The following FBXO17 variants were observed in gnomAD, a reference collection of about 807,000 sequenced individuals.
FBXO17 encodes the protein F-box only protein 17.
In FBXO17, 43 loss-of-function variants were observed where a neutral mutation model predicts 34.1. That is an observed-to-expected ratio of 1.26 (90% CI 0.99 to 1.62). The LOEUF is 1.62. Ranked by LOEUF, FBXO17 falls within the 40% of genes most tolerant of loss-of-function variation. The pLI is 0.00. For synonymous variants in FBXO17, 169 were observed against 166.0 expected, an observed-to-expected ratio of 1.02 and a Z score of -0.14; for missense variants, 424 against 386.7, an observed-to-expected ratio of 1.10 and a Z score of -0.81.
intron 2 of FBXO17, 133 bp downstream of exon 2, chr19:38,949,838 C>T (rs1335897981): frequency 1.8e-6 from 2 of 1,137,094 alleles, no homozygotes; most frequent in African/African-American, 1.6e-5. Context: ...GGCACTGCGT[C>T]CCTCAGCCCC....
At position 38,942,685 on chromosome 19, in the gene FBXO17, C is replaced by G; in HGVS notation, c.760G>C (p.Asp254His). ...RYVSFEQYGR[D>H]VSSWVGHYGA... ...TAGTGCCCCACCCAGGAACTCACGT[C>G]TCTCCCGTACTGCTCAAAAGATACG... Residue 254 changes from aspartate to histidine, a missense_variant, in exon 6 of 6, where the codon GAC becomes CAC. Asp to His is a moderately conservative substitution (Grantham distance 81, BLOSUM62 -1). Coordinates refer to ENST00000292852, the MANE Select transcript of FBXO17 (RefSeq NM_024907.7). The G allele has an allele frequency of 6.2e-7, 1 of 1,601,706 alleles. No homozygotes were observed. The highest frequency in any genetic ancestry group is 2.3e-5 in the East Asian group (1 of 43,522).
chr19:38,952,046 G>T (rs1280571899), intron 1 of FBXO17, among the ~76,000 whole-genome samples: 1 of 151,912 alleles, frequency 6.6e-6, no homozygotes, highest in African/African-American at 2.4e-5. Flanking sequence ...CGCCTCCCGG[G>T]TTCAAGCGAT....
intron 1 of FBXO17, among the ~76,000 whole-genome samples, chr19:38,971,337 C>T (rs1975388409): frequency 1.3e-5 from 2 of 152,044 alleles, no homozygotes; most frequent in Admixed American, 1.3e-4. Context: ...CATATGCTGC[C>T]ATCAGAGACT....
chr19:38,944,489 C>T (rs567456825), intron 5 of FBXO17, among the ~76,000 whole-genome samples: 1 of 152,274 alleles, frequency 6.6e-6, no homozygotes, highest in South Asian at 2.1e-4. Context: ...AGCTGTCCTC[C>T]CATCTTGGCC....
At position 38,944,965 on chromosome 19, in the gene FBXO17, C is replaced by T. The variant is rs1190420289; in HGVS notation, c.693+4G>A. 6.2e-7 allele frequency: 1 copy of T among 1,614,076 alleles called. No homozygotes were observed. Among genetic ancestry groups the T allele is most frequent in the Non-Finnish European group, 8.5e-7 (1 of 1,179,978 alleles). On this transcript the variant is annotated splice_donor_region_variant and intron_variant, in intron 5 of 5. Transcript: ENST00000292852. Reference sequence around the variant, plus strand: ...GGGGGAGCTGGAAGCTAGTCTGGACCCACCTGTCGGCAGCCCCTCTCAGTC... The same window carrying T: ...GGGGGAGCTGGAAGCTAGTCTGGACTCACCTGTCGGCAGCCCCTCTCAGTC...
At chr19:38,971,091 C>T (rs1297466897) in intron 1 of FBXO17, among the ~76,000 whole-genome samples, 34 of 125,254 alleles carry the variant, frequency 2.7e-4, no homozygotes, top group Non-Finnish European at 1.8e-4. Context: ...AAAGGAGAGT[C>T]CATCTCAAAA....
chr19:38,955,889 T>A (rs567288044), intron 1 of FBXO17, among the ~76,000 whole-genome samples: 1 of 152,236 alleles, frequency 6.6e-6, no homozygotes, highest in South Asian at 2.1e-4. Context: ...GGTGCCTCCA[T>A]CATAGGGCTG....
At chr19:38,947,118 C>T (rs1280838981) in intron 3 of FBXO17, 2 of 157,942 alleles carry the variant, frequency 1.3e-5, no homozygotes, top group African/African-American at 2.4e-5. Context: ...TTCCTCCCCT[C>T]ACCTCTAGCA....
At chr19:38,965,047 G>T (rs1975301736) in intron 1 of FBXO17, among the ~76,000 whole-genome samples, 1 of 152,068 alleles carries the variant, frequency 6.6e-6, no homozygotes, top group Admixed American at 6.6e-5. Flanking sequence ...AAAAACCACA[G>T]TCACCCAGCC....
chr19:38,959,081 A>T (rs541137630), intron 1 of FBXO17, among the ~76,000 whole-genome samples: 63 of 143,188 alleles, frequency 4.4e-4, no homozygotes, highest in Middle Eastern at 3.7e-3. Context: ...TTTGTTTTAT[A>T]TTTTTTTTTT....
chr19:38,964,309 T>C (rs527450809), intron 1 of FBXO17, among the ~76,000 whole-genome samples: 1 of 152,192 alleles, frequency 6.6e-6, no homozygotes, highest in African/African-American at 2.4e-5. Context: ...TTCAGGATAC[T>C]TTCCTCTACC....
intron 5 of FBXO17, among the ~76,000 whole-genome samples, chr19:38,944,457 T>C (rs1234031761): frequency 4.6e-5 from 7 of 152,148 alleles, no homozygotes; most frequent in African/African-American, 1.4e-4. Context: ...TTGCCCAGGC[T>C]GGCCTCAAAC....
intron 1 of FBXO17, among the ~76,000 whole-genome samples, chr19:38,970,770 G>GTA (rs1349546393): frequency 6.6e-5 from 10 of 152,044 alleles, no homozygotes; most frequent in Admixed American, 6.6e-4. Context: ...GGGGACTTAT[G>GTA]TAACATACCA....
chr19:38,950,350 G>T lies in FBXO17; in HGVS notation c.-17-14C>A. On this transcript the variant is annotated splice_polypyrimidine_tract_variant and intron_variant, in intron 1 of 5. Transcript: ENST00000292852. ...GTAGCCAGAGTCCTGCAGGTCGAGA[G>T]GGGTCGGTAGGCGGGTCAGCGCAGC... is the stretch of plus-strand genomic sequence containing the variant. 1 of 1,401,376 alleles carries T rather than the reference G, an allele frequency of 7.1e-7. No homozygotes were observed. The highest frequency in any genetic ancestry group is 9.2e-7 in the Non-Finnish European group (1 of 1,086,238). 86.8% of individuals were successfully genotyped at this position (1,401,376 alleles called of 1,614,324 possible). A position where few individuals can be genotyped will look rare whatever the true frequency, so the allele number is the denominator to read the frequency against.
intron 1 of FBXO17, among the ~76,000 whole-genome samples, chr19:38,967,753 G>C (rs1163354353): frequency 6.6e-6 from 1 of 151,986 alleles, no homozygotes; most frequent in Non-Finnish European, 1.5e-5. Context: ...TTTCTATAGA[G>C]ATGGGTCTTC....
rs1469779423 is a variant in FBXO17 at position 38,941,972 on chromosome 19, T to C, written c.*636A>G. 1.6e-5 allele frequency: 2 copies of C among 125,668 alleles called. No individual in the cohort carries two copies. Among genetic ancestry groups the C allele is most frequent in the Non-Finnish European group, 3.5e-5 (2 of 57,684 alleles). 7.8% of individuals were successfully genotyped at this position (125,668 alleles called of 1,614,324 possible). ...TCTGCTCCCTGCGTCGGCAGAGGGATTTATAAGCCCTCTCTTATAAATCCT... is the reference window on the plus strand; with the variant it reads ...TCTGCTCCCTGCGTCGGCAGAGGGACTTATAAGCCCTCTCTTATAAATCCT... On this transcript the variant is annotated 3_prime_UTR_variant, in exon 6 of 6. Coordinates refer to ENST00000292852, the MANE Select transcript of FBXO17 (RefSeq NM_024907.7).
chr19:38,960,571 C>A (rs1021276814), intron 1 of FBXO17, among the ~76,000 whole-genome samples: 1 of 152,010 alleles, frequency 6.6e-6, no homozygotes, highest in South Asian at 2.1e-4. Context: ...TGCAGTGGCA[C>A]GATCTCGGCT....
chr19:38,969,914 C>T (rs2144844699), intron 1 of FBXO17, among the ~76,000 whole-genome samples: 1 of 151,888 alleles, frequency 6.6e-6, no homozygotes, highest in South Asian at 2.1e-4. Context: ...ACATTTTTTA[C>T]TGAAGTAAAA....
rs1458424715 is a variant in FBXO17, at chr19:38,975,726, C to A, written c.-158G>T. Reference sequence around the variant, plus strand: ...GCGGTCTGGGCGGTCGGTCCTCTCCCGGGGCGTGGCGGCTGCAGCCCGGCG... The same window carrying A: ...GCGGTCTGGGCGGTCGGTCCTCTCCAGGGGCGTGGCGGCTGCAGCCCGGCG... On this transcript the variant is annotated 5_prime_UTR_variant, in exon 1 of 6. Transcript: ENST00000292852. The surrounding 1 kb of genome is among the most constrained non-coding windows in gnomAD (Gnocchi z 4.9). 2 of 149,578 alleles carry A rather than the reference C, an allele frequency of 1.3e-5. No individual in the cohort carries two copies. Among genetic ancestry groups the A allele is most frequent in the African/African-American group, 2.5e-5 (1 of 40,752 alleles). The allele number at this position is 149,578 out of a possible 1,614,324, so 9.3% of individuals were successfully genotyped here.
Sources: allele counts gnomAD v4.1 joint callset (sites outside exome capture counted in the v4.1 genomes callset), GRCh38; gene constraint gnomAD v4.1.1; non-coding constraint Gnocchi (gnomAD v3.1); transcripts MANE v1.5; gene names NCBI Gene and HGNC (gene_info 2026-07-23, HGNC 2026-07-21).